The following TNKS variants were observed in gnomAD, a reference collection of about 807,000 sequenced individuals.
The protein encoded by TNKS is poly [ADP-ribose] polymerase tankyrase-1.
A neutral mutation model predicts 135.8 loss-of-function variants in TNKS; 72 were observed. That is an observed-to-expected ratio of 0.53 (90% CI 0.44 to 0.64). The LOEUF (loss-of-function observed/expected upper bound fraction) is 0.64, where lower values mean the gene tolerates loss of function less well. TNKS is among the 30% of genes least tolerant of loss of function. The pLI, the probability that TNKS is intolerant of heterozygous loss-of-function variation, is 0.00. For missense variants in TNKS, 1,769 were observed against 1,674.0 expected (o/e 1.06, Z -0.99); for synonymous variants, 849 against 649.3 (o/e 1.31, Z -4.68).
At chr8:9,714,868 A>G (rs1021647186) in intron 11 of TNKS, among the ~76,000 whole-genome samples, 14 of 152,230 alleles carry the variant, frequency 9.2e-5, no homozygotes, top group African/African-American at 3.4e-4. Context: ...TAAAACCAGC[A>G]GTTGGAAAGA....
intron 26 of TNKS, among the ~76,000 whole-genome samples, chr8:9,770,677 A>C (rs1807776788): frequency 6.6e-6 from 1 of 152,250 alleles, no homozygotes; most frequent in Non-Finnish European, 1.5e-5. Flanking sequence ...ACTTCAAATG[A>C]ATACCATAAC....
At chr8:9,622,871 C>G (rs1265485254) in intron 3 of TNKS, among the ~76,000 whole-genome samples, 1 of 152,126 alleles carries the variant, frequency 6.6e-6, no homozygotes, top group East Asian at 1.9e-4. Flanking sequence ...TTCCAAGACC[C>G]CCAGTGGATA....
chr8:9,739,503 C>T (rs1483430361), intron 17 of TNKS, among the ~76,000 whole-genome samples: 2 of 23,678 alleles, frequency 8.4e-5, no homozygotes, highest in Non-Finnish European at 1.5e-4. Flanking sequence ...GTGGCGATTC[C>T]TCAGGGATCT....
At chr8:9,620,568 G>A (rs1233924620) in intron 3 of TNKS, among the ~76,000 whole-genome samples, 1 of 152,116 alleles carries the variant, frequency 6.6e-6, no homozygotes, top group Non-Finnish European at 1.5e-5. Context: ...GTCCTGATCT[G>A]GCTCCTGCCT....
At chr8:9,741,791 C>A in intron 17 of TNKS, 1 of 478,494 alleles carries the variant, frequency 2.1e-6, no homozygotes. Context: ...CTTCACGTTC[C>A]CTTGAGGCTG....
intron 2 of TNKS, among the ~76,000 whole-genome samples, chr8:9,608,822 A>G (rs1379872593): frequency 6.6e-6 from 1 of 152,164 alleles, no homozygotes; most frequent in Non-Finnish European, 1.5e-5. Flanking sequence ...GAGTTGGGTG[A>G]TTATGGTACC....
At chr8:9,634,179 C>T (rs535128316) in intron 3 of TNKS, among the ~76,000 whole-genome samples, 4 of 150,376 alleles carry the variant, frequency 2.7e-5, no homozygotes, top group East Asian at 2.0e-4. Flanking sequence ...CCTATAAGAA[C>T]GTGAGAACAG....
At position 9,770,229 on chromosome 8, in the gene TNKS, A is replaced by G. The variant is rs200026893; in HGVS notation, c.3864A>G (p.Ala1288=). 2 of 1,613,408 alleles carry G rather than the reference A, an allele frequency of 1.2e-6. No homozygotes were observed. Among genetic ancestry groups the G allele is most frequent in the East Asian group, 2.2e-5 (1 of 44,870 alleles). Residue 1288 remains alanine, a synonymous_variant, in exon 26 of 27, where the codon GCA becomes GCG. Transcript: ENST00000310430. ...GTAGACCGAGCGTCAATGGGCTGGC[A>G]TATGCTGAATATGTCATCTACAGAG... The part of the protein sequence containing the change: ...VIGRPSVNGL[A]YAEYVIYRGE...
chr8:9,662,130 C>G (rs926149592), intron 3 of TNKS, among the ~76,000 whole-genome samples: 3 of 152,150 alleles, frequency 2.0e-5, no homozygotes, highest in Non-Finnish European at 2.9e-5. Flanking sequence ...GGAAGGAACA[C>G]TTTTACACTG....
At chr8:9,562,148 T>C (rs2129049501) in intron 1 of TNKS, among the ~76,000 whole-genome samples, 1 of 152,270 alleles carries the variant, frequency 6.6e-6, no homozygotes, top group East Asian at 1.9e-4. Context: ...TTGTCCTTTT[T>C]TTTTCTACTG....
intron 9 of TNKS, among the ~76,000 whole-genome samples, chr8:9,709,668 C>T (rs983403489): frequency 6.6e-6 from 1 of 152,108 alleles, no homozygotes; most frequent in Admixed American, 6.5e-5. Flanking sequence ...TATTATGATG[C>T]TCTCCATGGA....
intron 3 of TNKS, among the ~76,000 whole-genome samples, chr8:9,673,468 G>A (rs553348467): frequency 2.2e-5 from 3 of 135,482 alleles, no homozygotes; most frequent in East Asian, 2.2e-4. Context: ...TTTTTGAGCA[G>A]GAGTCTTGCT....
chr8:9,584,019 C>T (rs1040179930), intron 2 of TNKS, among the ~76,000 whole-genome samples: 1 of 151,488 alleles, frequency 6.6e-6, no homozygotes, highest in Non-Finnish European at 1.5e-5. Flanking sequence ...AAAAAATTAG[C>T]CGGGCGTGGT....
chr8:9,583,073 A>G (rs1252493925), intron 2 of TNKS, among the ~76,000 whole-genome samples: 1 of 151,006 alleles, frequency 6.6e-6, no homozygotes, highest in African/African-American at 2.4e-5. Flanking sequence ...AGGCTGAGGC[A>G]GGAGAATGGC....
At chr8:9,644,139 T>A (rs927043925) in intron 3 of TNKS, among the ~76,000 whole-genome samples, 1 of 152,040 alleles carries the variant, frequency 6.6e-6, no homozygotes, top group Non-Finnish European at 1.5e-5. Flanking sequence ...GGAATTAGTG[T>A]TTAATAGGTA....
intron 3 of TNKS, among the ~76,000 whole-genome samples, chr8:9,648,544 A>T (rs753502955): frequency 3.9e-5 from 6 of 152,210 alleles, no homozygotes; most frequent in Admixed American, 6.5e-5. Context: ...TAAACCACTA[A>T]CATATTCATT....
At position 9,752,535 on chromosome 8, in the gene TNKS, CT is replaced by C; in HGVS notation, c.3071-8del. On this transcript the variant is annotated splice_region_variant and splice_polypyrimidine_tract_variant and intron_variant, in intron 19 of 26. Transcript: ENST00000310430. Reference sequence around the variant, plus strand: ...CTTTCTGAGAATCTTTAATATGTTTCTGTTTTAGTTGCTGGTCTTGACATGA... The same window carrying C: ...CTTTCTGAGAATCTTTAATATGTTTCGTTTTAGTTGCTGGTCTTGACATGA... 3 of 1,602,282 alleles carry C rather than the reference CT, an allele frequency of 1.9e-6. No homozygotes were observed. The highest frequency in any genetic ancestry group is 2.6e-6 in the Non-Finnish European group (3 of 1,172,000).
chr8:9,573,789 G>A (rs548724250), intron 1 of TNKS, among the ~76,000 whole-genome samples: 124 of 152,284 alleles, frequency 8.1e-4, no homozygotes, highest in African/African-American at 2.8e-3. Context: ...TAATTAGGGG[G>A]AAAATGACTT....
intron 12 of TNKS, among the ~76,000 whole-genome samples, chr8:9,721,997 G>A (rs1161111231): frequency 6.6e-6 from 1 of 151,210 alleles, no homozygotes; most frequent in Non-Finnish European, 1.5e-5. Context: ...AGGTTGCAGT[G>A]AGCCAAGATC....
Sources: gnomAD v4.1 joint callset for allele counts (sites outside exome capture counted in the v4.1 genomes callset) on GRCh38, gnomAD v4.1.1 for gene constraint, MANE v1.5 for transcripts, NCBI Gene and HGNC (gene_info 2026-07-23, HGNC 2026-07-21) for gene names.